NOTCH1: variants seen among roughly 807,000 people sequenced by gnomAD.
NOTCH1 encodes the protein neurogenic locus notch homolog protein 1.
Under a neutral mutation model 254.8 loss-of-function variants are expected in NOTCH1, and 37 were observed. The observed-to-expected ratio is 0.15, with a 90% CI of 0.11 to 0.19. The LOEUF is 0.19. Ranked by LOEUF, NOTCH1 falls within the 10% of genes least tolerant of loss-of-function variation. The probability of loss-of-function intolerance (pLI) is 1.00; values close to 1 mark genes in which losing one functional copy is unlikely to be tolerated. For synonymous variants in NOTCH1, 1,731 were observed against 1,618.1 expected, an observed-to-expected ratio of 1.07 and a Z score of -1.68; for missense variants, 2,972 against 3,708.6, an observed-to-expected ratio of 0.80 and a Z score of 5.16.
chr9:136,516,805 C>T (rs895383778), intron 9 of NOTCH1, among the ~76,000 whole-genome samples: 1 of 152,218 alleles, frequency 6.6e-6, no homozygotes, highest in African/African-American at 2.4e-5. Context: ...AGCTCCCACT[C>T]CCCACTGGGC....
At chr9:136,528,195 G>T (rs1843499028) in intron 2 of NOTCH1, among the ~76,000 whole-genome samples, 1 of 148,762 alleles carries the variant, frequency 6.7e-6, no homozygotes, top group African/African-American at 2.5e-5. Context: ...GTCATGCAGG[G>T]CCAGGGATGG....
chr9:136,503,378 C>T (rs1204938204), intron 26 of NOTCH1, 48 bp from the exon 27 acceptor site: 2 of 1,611,294 alleles, frequency 1.2e-6, no homozygotes, highest in Non-Finnish European at 1.7e-6. Context: ...TTCCTCCTCC[C>T]CCGCCCACCG....
intron 26 of NOTCH1, among the ~76,000 whole-genome samples, chr9:136,504,192 C>T (rs1236184852): frequency 6.6e-6 from 1 of 152,198 alleles, no homozygotes. Context: ...TTGTTTTTTA[C>T]TTCTTTTAAT....
In NOTCH1 at chr9:136,507,340, T is replaced by C. The variant is rs1200315795; in HGVS notation, c.3608A>G (p.Asn1203Ser). Residue 1203 changes from asparagine to serine, a missense_variant, in exon 22 of 34, where the codon AAC (asparagine) becomes AGC (serine). Asn to Ser is a conservative substitution (Grantham distance 46). This residue lies in a region of NOTCH1 where 1,343 missense variants were observed against 1,557.0 expected (regional missense o/e 0.86). Transcript: ENST00000651671. ...QNGGTCLDLP[N>S]TYKCSCPRGT... is the part of the protein sequence containing the mutation. ...CCGTGGGCAGGAGCACTTGTAGGTG[T>C]TGGGGAGGTCGAGGCAGGTGCCCCC... 6.2e-7 allele frequency: 1 copy of C among 1,612,786 alleles called. No homozygotes were observed.
rs61751549 is a variant in NOTCH1 at position 136,510,732 on chromosome 9, G to C, written c.2661C>G (p.Thr887=). 6.2e-7 allele frequency: 1 copy of C among 1,610,796 alleles called. No homozygotes were observed. The highest frequency in any genetic ancestry group is 1.3e-5 in the African/African-American group (1 of 75,068). The change falls in exon 17 of 34, where the codon ACC becomes ACG. Residue 887 remains threonine, a synonymous_variant. Transcript: ENST00000651671. The part of the protein sequence containing the change: ...PCRHGASCQN[T]HGGYRCHCQA... ...GGCAGTGGCAGCGGTAGCCGCCGTG[G>C]GTGTTCTGGCAGGATGCGCCGTGCC...
In NOTCH1 at chr9:136,513,179, C is replaced by G. The variant is rs1440797624; in HGVS notation, c.2354-45G>C. On this transcript the variant is annotated intron_variant, in intron 14 of 33. Transcript: ENST00000651671. The surrounding 1 kb of genome is among the most constrained non-coding windows in gnomAD (Gnocchi z 4.7). ...ACTCGGCATGTCCAGCACTCCCAGGCACCTTGGCAGGGCCCCACAACAGCA... is the reference window on the plus strand; with the variant it reads ...ACTCGGCATGTCCAGCACTCCCAGGGACCTTGGCAGGGCCCCACAACAGCA... 1 of 1,547,900 alleles carries G rather than the reference C, an allele frequency of 6.5e-7. No individual in the cohort carries two copies. The highest frequency in any genetic ancestry group is 8.9e-7 in the Non-Finnish European group (1 of 1,121,388).
rs1177828638 is a variant in NOTCH1, at chr9:136,499,216, T to A, written c.5978A>T (p.His1993Leu). 6.2e-7 allele frequency: 1 copy of A among 1,613,214 alleles called. No individual in the cohort carries two copies. The highest frequency in any genetic ancestry group is 1.3e-5 in the African/African-American group (1 of 74,936). The change falls in exon 32 of 34, where the codon CAT becomes CTT. Residue 1993 changes from histidine (H) to leucine (L), a missense_variant. Physicochemically the swap from His to Leu is moderately conservative, Grantham distance 99. Coordinates refer to ENST00000651671, the MANE Select transcript of NOTCH1 (RefSeq NM_017617.5). ...CAGGATCAGTGGCGTCGTGCCATCA[T>A]GCATGCGGGCATCCAGGTCTGTGGC... is the stretch of plus-strand genomic sequence containing the variant. ...NRATDLDARM[H>L]DGTTPLILAA...
intron 33 of NOTCH1, among the ~76,000 whole-genome samples, chr9:136,498,497 G>A (rs1842950002): frequency 6.6e-6 from 1 of 152,186 alleles, no homozygotes; most frequent in Non-Finnish European, 1.5e-5. Context: ...CACCACCTGC[G>A]TCACCACATT....
chr9:136,523,192 G>A lies in NOTCH1; in HGVS notation c.404-4C>T. On this transcript the variant is annotated splice_polypyrimidine_tract_variant and splice_region_variant and intron_variant, in intron 3 of 33. Transcript: ENST00000651671. The stretch of plus-strand genomic sequence containing the variant: ...TCAGCCTGCTGGCACGATTTCCCTG[G>A]AGACAAGGGGACAAGAGGGTCGTGC... 5 of 1,595,614 alleles carry A rather than the reference G, an allele frequency of 3.1e-6. No homozygotes were observed. Among genetic ancestry groups the A allele is most frequent in the Non-Finnish European group, 4.3e-6 (5 of 1,172,412 alleles).
At chr9:136,511,313 G>A (rs774990077) in intron 15 of NOTCH1, 42 bp from the exon 16 acceptor site, 52 of 1,580,546 alleles carry the variant, frequency 3.3e-5, no homozygotes, top group Non-Finnish European at 4.2e-5. Context: ...GCCTCACCCA[G>A]AGGGATCTCC....
chr9:136,521,858 TG>T (rs1393593170), intron 4 of NOTCH1, among the ~76,000 whole-genome samples: 1 of 152,110 alleles, frequency 6.6e-6, no homozygotes, highest in African/African-American at 2.4e-5. Context: ...GGGCCACCCG[TG>T]GGTCAGCCAG....
chr9:136,524,575 A>G (rs535564322), intron 2 of NOTCH1, among the ~76,000 whole-genome samples: 1 of 151,456 alleles, frequency 6.6e-6, no homozygotes, highest in East Asian at 1.9e-4. Flanking sequence ...AGGTGTCAAC[A>G]TGATGGCAGC....
At chr9:136,498,041 G>A (rs1169466331) in intron 33 of NOTCH1, among the ~76,000 whole-genome samples, 1 of 152,048 alleles carries the variant, frequency 6.6e-6, no homozygotes, top group Non-Finnish European at 1.5e-5. Context: ...ACAGGTCTGG[G>A]TGAGGCTGCT....
In NOTCH1 at chr9:136,532,731, C is replaced by T. The variant is rs1843581865; in HGVS notation, c.141-8752G>A. Among the ~76,000 whole-genome samples, 5 of 152,374 alleles carry T rather than the reference C, an allele frequency of 3.3e-5. 1 individual carries two copies. The South Asian group carries it at 1.0e-3, about 32-fold the overall frequency. On this transcript the variant is annotated intron_variant, in intron 2 of 33. Transcript: ENST00000651671. Reference sequence around the variant, plus strand: ...TCATGGCCCCAGCCGCTTCCCATCTCCTAAGGAGGAGGGGAGCTCAGAGAG... The same window carrying T: ...TCATGGCCCCAGCCGCTTCCCATCTTCTAAGGAGGAGGGGAGCTCAGAGAG...
chr9:136,496,116 G>A lies in NOTCH1; in HGVS notation c.7623C>T (p.Thr2541=), dbSNP rs1381930453. 6.2e-7 allele frequency: 1 copy of A among 1,609,272 alleles called. No homozygotes were observed. The highest frequency in any genetic ancestry group is 8.5e-7 in the Non-Finnish European group (1 of 1,179,422). The change falls in exon 34 of 34, where the codon ACC becomes ACT. Residue 2541 remains threonine, a synonymous_variant. Coordinates refer to ENST00000651671, the MANE Select transcript of NOTCH1 (RefSeq NM_017617.5). ...TGCGGGCGATCTGGGACTGCATGCT[G>A]GTGGGAGGGCTGGAGACGCCCTCGG... ...DWSEGVSSPP[T]SMQSQIARIP...
At position 136,544,035 on chromosome 9, in the gene NOTCH1, C is replaced by A; in HGVS notation, c.129G>T (p.Thr43=). Residue 43 remains threonine, a synonymous_variant, in exon 2 of 34, where the codon ACG becomes ACT. Transcript: ENST00000651671. ...NGGKCEAANG[T]EACVCGGAFV... ...GGGGTGGTACTCACACGCAGGCCTC[C>A]GTGCCATTGGCCGCTTCACACTTCC... 1 of 1,573,346 alleles carries A rather than the reference C, an allele frequency of 6.4e-7. No homozygotes were observed. Among genetic ancestry groups the A allele is most frequent in the Non-Finnish European group, 8.6e-7 (1 of 1,160,242 alleles).
chr9:136,497,703 C>G, intron 33 of NOTCH1, 145 bp from the exon 34 acceptor site: 1 of 651,192 alleles, frequency 1.5e-6, no homozygotes, highest in South Asian at 1.9e-5. Context: ...CCCACCCCAG[C>G]GTCCTGCAAC....
At position 136,513,691 on chromosome 9, in the gene NOTCH1, G is replaced by T; in HGVS notation, c.2208-154C>A. On this transcript the variant is annotated intron_variant, in intron 13 of 33. Coordinates refer to ENST00000651671, the MANE Select transcript of NOTCH1 (RefSeq NM_017617.5). This position sits in a 1 kb window ranked among gnomAD's most constrained non-coding sequence, Gnocchi z 4.7. ...TAGTGGGGGCAGGCTGGGCGCTGTG[G>T]CTCACACCTGTAATCCCAGCACTTT... The T allele has an allele frequency of 1.2e-6, 1 of 804,194 alleles. No homozygotes were observed. Among genetic ancestry groups the T allele is most frequent in the Non-Finnish European group, 2.0e-6 (1 of 496,426 alleles). The allele number at this position is 804,194 out of a possible 1,614,324, so 49.8% of individuals were successfully genotyped here.
chr9:136,518,313 A>G, intron 6 of NOTCH1, 21 bp from the exon 7 acceptor site: 3 of 1,603,676 alleles, frequency 1.9e-6, no homozygotes, highest in Non-Finnish European at 2.5e-6. Context: ...AGCGGCGGTC[A>G]GTGGGCACGG....
Sources: gnomAD v4.1 joint callset for allele counts (sites outside exome capture counted in the v4.1 genomes callset) on GRCh38, gnomAD v4.1.1 for gene constraint, gnomAD v4.1.1 regional missense constraint, Gnocchi (gnomAD v3.1) non-coding constraint, MANE v1.5 for transcripts, NCBI Gene and HGNC (gene_info 2026-07-23, HGNC 2026-07-21) for gene names.